BSG: variants seen among roughly 807,000 people sequenced by gnomAD.
The protein encoded by BSG is basigin (Ok blood group), also known as basigin.
BSG carries 37 observed loss-of-function variants against 43.1 expected under a neutral mutation model. That is an observed-to-expected ratio of 0.86 (90% CI 0.66 to 1.13). The LOEUF (loss-of-function observed/expected upper bound fraction) is 1.13. Among genes scored for constraint, BSG ranks in the 50% most tolerant of loss-of-function variants. The pLI is 0.00. For synonymous variants in BSG, 309 were observed against 238.7 expected, an observed-to-expected ratio of 1.29 and a Z score of -2.72; for missense variants, 599 against 554.2, an observed-to-expected ratio of 1.08 and a Z score of -0.81.
rs1361513444 is a variant in BSG at position 577,912 on chromosome 19, A to T, written c.206A>T (p.Gln69Leu). ...CAGGGTCCCAACGACACCTGCTCCC[A>T]GCTCTGGGACGGCGCCCGGCTGGAC... ...EGQGPNDTCS[Q>L]LWDGARLDRV... Residue 69 changes from glutamine to leucine, a missense_variant, in exon 2 of 9, where the codon CAG becomes CTG. By Grantham distance (113) the Gln-to-Leu change is moderately radical. Transcript: ENST00000333511. The T allele has an allele frequency of 1.2e-6, 2 of 1,600,586 alleles. No individual in the cohort carries two copies. Among genetic ancestry groups the T allele is most frequent in the South Asian group, 2.2e-5 (2 of 89,992 alleles).
At chr19:578,525 G>A (rs1041624355) in intron 2 of BSG, among the ~76,000 whole-genome samples, 5 of 152,242 alleles carry the variant, frequency 3.3e-5, no homozygotes, top group Admixed American at 2.6e-4. Context: ...GCAGCATCTC[G>A]TTCTAAGGGA....
At chr19:574,034 C>T (rs908287853) in intron 1 of BSG, among the ~76,000 whole-genome samples, 2 of 151,838 alleles carry the variant, frequency 1.3e-5, no homozygotes, top group African/African-American at 4.8e-5. Context: ...GCGGGTGGAT[C>T]ACCTGAGGTC....
At chr19:580,272 C>A in intron 3 of BSG, 107 bp from the exon 4 acceptor site, 1 of 970,578 alleles carries the variant, frequency 1.0e-6, no homozygotes, top group Non-Finnish European at 1.6e-6. Flanking sequence ...TTGACTGGGA[C>A]AGTTTTGCTT....
chr19:580,509 AGTT>A (rs1982195876), intron 4 of BSG, 48 bp downstream of exon 4: 1 of 1,606,802 alleles, frequency 6.2e-7, no homozygotes. Context: ...TGTCGGGAGA[AGTT>A]GTTGGCCTGA....
chr19:579,341 C>T, intron 2 of BSG, 159 bp from the exon 3 acceptor site: 1 of 1,000,812 alleles, frequency 1.0e-6, no homozygotes, highest in South Asian at 1.4e-5. Flanking sequence ...GCCAGAAGTT[C>T]CCCTTGGGCC....
At chr19:582,477 C>A (rs372538768) in intron 7 of BSG, 37 bp from the exon 8 acceptor site, 9 of 1,602,940 alleles carry the variant, frequency 5.6e-6, no homozygotes, top group Non-Finnish European at 7.7e-6. Flanking sequence ...GAGTGACTTG[C>A]GGGGGACACC....
chr19:580,261 C>G, intron 3 of BSG, 118 bp from the exon 4 acceptor site: 1 of 896,468 alleles, frequency 1.1e-6, no homozygotes, highest in Non-Finnish European at 1.7e-6. Flanking sequence ...GAGGTTCAGA[C>G]TTGACTGGGA....
rs369186206 is a variant in BSG at position 579,486 on chromosome 19, G to C, written c.416-14G>C. ...TCCTCCACTCTGCTGACCGCGTCTC[G>C]CCGGGCCTTGCAGCCGGCACAGTCT... On this transcript the variant is annotated splice_polypyrimidine_tract_variant and intron_variant, in intron 2 of 8. Coordinates refer to ENST00000333511, the MANE Select transcript of BSG (RefSeq NM_001728.4). The C allele has an allele frequency of 1.9e-6, 3 of 1,612,030 alleles. No individual in the cohort carries two copies. The highest frequency in any genetic ancestry group is 2.5e-6 in the Non-Finnish European group (3 of 1,179,868).
chr19:574,914 A>T (rs1981631078), intron 1 of BSG: 1 of 152,276 alleles, frequency 6.6e-6, no homozygotes, highest in Non-Finnish European at 1.5e-5. Context: ...GCCCTGTGGA[A>T]ACCCAGCCAG....
intron 2 of BSG, chr19:579,202 G>A (rs1180874333): frequency 1.9e-6 from 1 of 532,354 alleles, no homozygotes. Context: ...CGCCAGGCGG[G>A]GCCTCTGGGT....
In BSG at chr19:580,398, T is replaced by C; in HGVS notation, c.592T>C (p.Trp198Arg). The change falls in exon 4 of 9, where the codon TGG (tryptophan) becomes CGG (arginine). Residue 198 changes from tryptophan (W) to arginine (R), a missense_variant. Physicochemically the swap from Trp to Arg is moderately radical, Grantham distance 101. Coordinates refer to ENST00000333511, the MANE Select transcript of BSG (RefSeq NM_001728.4). Reference protein sequence around the residue: ...TEFKVDSDDQWGEYSCVFLPE... With the variant: ...TEFKVDSDDQRGEYSCVFLPE... ...TTGCAGGGTGGACTCCGACGACCAG[T>C]GGGGAGAGTACTCCTGCGTCTTCCT... The C allele has an allele frequency of 6.2e-7, 1 of 1,611,126 alleles. No individual in the cohort carries two copies.
At chr19:582,209 G>A (rs1445491674) in intron 6 of BSG, 97 bp from the exon 7 acceptor site, 71 of 1,534,974 alleles carry the variant, frequency 4.6e-5, no homozygotes, top group Non-Finnish European at 6.3e-5. Context: ...TGAGGGCAGG[G>A]CTGGCAGCAC....
chr19:581,421 G>A lies in BSG; in HGVS notation c.899G>A (p.Arg300Gln), dbSNP rs756728924. 1.9e-5 allele frequency: 31 copies of A among 1,612,576 alleles called. No individual in the cohort carries two copies. Among genetic ancestry groups the A allele is most frequent in the South Asian group, 4.4e-5 (4 of 91,088 alleles). ...LNMEADPGQY[R>Q]CNGTSSKGSD... is the part of the protein sequence containing the mutation. The stretch of plus-strand genomic sequence containing the variant: ...ATGGAGGCCGACCCCGGCCAGTACC[G>A]GTGCAACGGCACCAGCTCCAAGGGC... The change falls in exon 6 of 9, where the codon CGG becomes CAG. Residue 300 changes from arginine to glutamine, a missense_variant. Physicochemically the swap from Arg to Gln is conservative, Grantham distance 43 (BLOSUM62 1). Transcript: ENST00000333511.
chr19:572,459 T>G (rs1981326337), upstream of BSG: 8 of 1,159,910 alleles, frequency 6.9e-6, no homozygotes, highest in Admixed American at 4.7e-5. Flanking sequence ...GGCGCGTACA[T>G]GCGAGCGTGT....
Position 581,396 on chromosome 19 carries a change from A to C in BSG, c.874A>C (p.Met292Leu), listed in dbSNP as rs766140175. 1 of 1,612,700 alleles carries C rather than the reference A, an allele frequency of 6.2e-7. No individual in the cohort carries two copies. Among genetic ancestry groups the C allele is most frequent in the East Asian group, 2.2e-5 (1 of 44,896 alleles). Reference sequence around the variant, plus strand: ...AGAGCTACACATTGAGAACCTGAACATGGAGGCCGACCCCGGCCAGTACCG... The same window carrying C: ...AGAGCTACACATTGAGAACCTGAACCTGGAGGCCGACCCCGGCCAGTACCG... ...RSELHIENLN[M>L]EADPGQYRCN... Residue 292 changes from methionine to leucine, a missense_variant, in exon 6 of 9, where the codon ATG (methionine) becomes CTG (leucine). By Grantham distance (15) the Met-to-Leu change is conservative. Coordinates refer to ENST00000333511, the MANE Select transcript of BSG (RefSeq NM_001728.4).
chr19:580,837 A>G (rs28992475), intron 5 of BSG, 55 bp downstream of exon 5: 30,401 of 1,099,198 alleles, frequency 0.028, 2,042 homozygotes, highest in Middle Eastern at 0.093. Flanking sequence ...ACTGGGTGAG[A>G]GGCCTAGACT....
rs746378922 is a variant in BSG, at chr19:581,365, C to G, written c.843C>G (p.Gly281=). The change falls in exon 6 of 9, where the codon GGC becomes GGG. Residue 281 remains glycine, a synonymous_variant. Transcript: ENST00000333511. The part of the protein sequence containing the change: ...ESRFFVSSSQ[G]RSELHIENLN... ...GGTTCTTCGTGAGTTCCTCGCAGGG[C>G]CGGTCAGAGCTACACATTGAGAACC... 8.1e-6 allele frequency: 13 copies of G among 1,612,824 alleles called. No individual in the cohort carries two copies. The highest frequency in any genetic ancestry group is 2.2e-5 in the East Asian group (1 of 44,886).
chr19:580,624 C>CT, intron 4 of BSG, 22 bp from the exon 5 acceptor site: 1 of 1,612,274 alleles, frequency 6.2e-7, no homozygotes, highest in South Asian at 1.1e-5. Flanking sequence ...TTCCAGGCTC[C>CT]TCTCTCTCAC....
At chr19:577,503 C>CATGTGTT (rs1981878539) in intron 1 of BSG, among the ~76,000 whole-genome samples, 1 of 152,182 alleles carries the variant, frequency 6.6e-6, no homozygotes, top group Admixed American at 6.5e-5. Flanking sequence ...TGCCCAGTTT[C>CATGTGTT]ATGTGTTTTG....
Sources: gnomAD v4.1 joint callset for allele counts (sites outside exome capture counted in the v4.1 genomes callset) on GRCh38, gnomAD v4.1.1 for gene constraint, MANE v1.5 for transcripts, NCBI Gene and HGNC (gene_info 2026-07-23, HGNC 2026-07-21) for gene names.